TANC2: variants seen among roughly 807,000 people sequenced by gnomAD.
TANC2 encodes protein TANC2.
TANC2 carries 26 observed loss-of-function variants against 210.5 expected under a neutral mutation model. The ratio of observed to expected loss-of-function variants is 0.12; its 90% CI spans 0.09 to 0.17. The LOEUF (loss-of-function observed/expected upper bound fraction) is 0.17. Ranked by LOEUF, TANC2 falls within the 10% of genes least tolerant of loss-of-function variation. TANC2 has a pLI of 1.00. For missense variants in TANC2, 2,129 were observed against 2,608.9 expected (o/e 0.82, Z 4.01); for synonymous variants, 931 against 967.1 (o/e 0.96, Z 0.69).
At chr17:62,994,333 C>T (rs1202522105) in intron 1 of TANC2, among the ~76,000 whole-genome samples, 1 of 150,280 alleles carries the variant, frequency 6.7e-6, no homozygotes, top group Non-Finnish European at 1.5e-5. Flanking sequence ...AGGCATGCAC[C>T]ACCACACCTG....
At chr17:63,240,540 G>A (rs2042746520) in intron 8 of TANC2, among the ~76,000 whole-genome samples, 1 of 152,130 alleles carries the variant, frequency 6.6e-6, no homozygotes, top group African/African-American at 2.4e-5. Context: ...GTGTATCCCA[G>A]AACTGTTGTA....
chr17:63,358,386 T>A lies in TANC2; in HGVS notation c.2582+2996T>A, dbSNP rs1443660773. 5.6e-3 allele frequency among the ~76,000 whole-genome samples: 837 copies of A among 150,648 alleles called. 7 individuals carry two copies. The highest frequency in any genetic ancestry group is 0.018 in the African/African-American group (749 of 40,648). ...GAGAGAGAGAGAGAGAGTATGTGTG[T>A]GTGTGTGTGTGTGTGTGTGTGTGTG... On this transcript the variant is annotated intron_variant, in intron 14 of 27. Coordinates refer to ENST00000689528, the Ensembl canonical transcript of TANC2.
At chr17:63,058,306 C>T (rs1237958496) in intron 2 of TANC2, among the ~76,000 whole-genome samples, 4 of 151,562 alleles carry the variant, frequency 2.6e-5, no homozygotes, top group South Asian at 2.1e-4. Context: ...GTTTCTTATA[C>T]ATGCCGGATT....
At chr17:63,084,926 C>A (rs544300510) in intron 3 of TANC2, among the ~76,000 whole-genome samples, 1 of 152,142 alleles carries the variant, frequency 6.6e-6, no homozygotes, top group South Asian at 2.1e-4. Flanking sequence ...ATTCCATGTG[C>A]GCTTGAAAAG....
intron 4 of TANC2, among the ~76,000 whole-genome samples, chr17:63,134,962 C>T (rs1388451256): frequency 6.6e-6 from 1 of 152,122 alleles, no homozygotes; most frequent in East Asian, 1.9e-4. Context: ...CTGTGGCGCA[C>T]ACCTAGCAGT....
At chr17:63,214,639 A>G (rs1299734575) in intron 7 of TANC2, among the ~76,000 whole-genome samples, 1 of 152,220 alleles carries the variant, frequency 6.6e-6, no homozygotes, top group Non-Finnish European at 1.5e-5. Flanking sequence ...AGAGGCAGAC[A>G]TGCTTCCTCA....
chr17:63,420,136 C>A lies in TANC2; in HGVS notation c.4406C>A (p.Pro1469Gln). The A allele has an allele frequency of 2.6e-6, 4 of 1,556,206 alleles. No individual in the cohort carries two copies. Among genetic ancestry groups the A allele is most frequent in the African/African-American group, 1.4e-5 (1 of 73,312 alleles). Residue 1469 changes from proline (P) to glutamine (Q), a missense_variant, in exon 28 of 28, where the codon CCG becomes CAG. Physicochemically the swap from Pro to Gln is moderately conservative, Grantham distance 76 (BLOSUM62 -1). Coordinates refer to ENST00000689528, the Ensembl canonical transcript of TANC2. This position sits in a 1 kb window ranked among gnomAD's most constrained non-coding sequence, Gnocchi z 4.2. ...CAGCCACAGCAGCCACCGCCGCCAC[C>A]GCAGCCTCAGCAGCAGTTGCCGGAA...
intron 3 of TANC2, among the ~76,000 whole-genome samples, chr17:63,094,292 A>G (rs980205556): frequency 1.3e-5 from 2 of 152,150 alleles, no homozygotes; most frequent in African/African-American, 2.4e-5. Context: ...ACAGAGTCAC[A>G]GAGTGATGAT....
intron 1 of TANC2, among the ~76,000 whole-genome samples, chr17:62,996,301 G>T (rs2033104327): frequency 6.6e-6 from 1 of 152,112 alleles, no homozygotes; most frequent in Non-Finnish European, 1.5e-5. Context: ...CAGCTTAATA[G>T]GCAGACAAGA....
At chr17:63,225,638 C>G (rs948601327) in intron 7 of TANC2, among the ~76,000 whole-genome samples, 1 of 152,132 alleles carries the variant, frequency 6.6e-6, no homozygotes, top group African/African-American at 2.4e-5. Flanking sequence ...AGCCATTTGC[C>G]CCAGCCAGAA....
At position 63,247,356 on chromosome 17, in the gene TANC2, C is replaced by G. The variant is rs566884521; in HGVS notation, c.1033+9279C>G. Among the ~76,000 whole-genome samples the G allele has an allele frequency of 1.2e-4, 18 of 152,062 alleles. No individual in the cohort carries two copies. In the South Asian group the frequency reaches 3.7e-3, roughly 32 times the overall value. On this transcript the variant is annotated intron_variant, in intron 8 of 27. Coordinates refer to ENST00000689528, the Ensembl canonical transcript of TANC2. ...CTTTATCTTTTTAATAGAAAACATA[C>G]TGTTTATATCATGTATTATAAAACT...
chr17:63,011,319 A>G (rs2033865865), intron 2 of TANC2, among the ~76,000 whole-genome samples: 1 of 151,818 alleles, frequency 6.6e-6, no homozygotes, highest in South Asian at 2.1e-4. Context: ...ATTCTGTATT[A>G]TTTTATTCTT....
At chr17:63,098,481 TA>T (rs1567721109) in intron 3 of TANC2, among the ~76,000 whole-genome samples, 9,882 of 49,964 alleles carry the variant, frequency 0.2, 812 homozygotes, top group African/African-American at 0.23. Context: ...CACACACACA[TA>T]CACTCTCTCT....
At chr17:63,213,095 A>G (rs1419525320) in intron 7 of TANC2, among the ~76,000 whole-genome samples, 1 of 152,220 alleles carries the variant, frequency 6.6e-6, no homozygotes, top group Non-Finnish European at 1.5e-5. Flanking sequence ...AAGTCTATGA[A>G]ATATTGAAAA....
At chr17:63,255,391 C>T (rs183807279) in intron 8 of TANC2, among the ~76,000 whole-genome samples, 160 of 152,202 alleles carry the variant, frequency 1.1e-3, no homozygotes, top group African/African-American at 3.6e-3. Context: ...CGCGCCCGGC[C>T]GGCAGTAGTT....
At chr17:63,065,348 AAC>A (rs781508962) in intron 2 of TANC2, among the ~76,000 whole-genome samples, 15 of 152,204 alleles carry the variant, frequency 9.9e-5, no homozygotes, top group Non-Finnish European at 1.6e-4. Context: ...GGCTATTGTG[AAC>A]AGTGTTGTAA....
At chr17:63,072,472 A>G (rs1267647292) in intron 2 of TANC2, among the ~76,000 whole-genome samples, 2 of 152,062 alleles carry the variant, frequency 1.3e-5, no homozygotes, top group Non-Finnish European at 2.9e-5. Flanking sequence ...ATAACACCTT[A>G]TTTTGTCAAC....
intron 27 of TANC2, 112 bp from the exon 28 acceptor site, chr17:63,419,887 C>A: frequency 7.9e-7 from 1 of 1,271,758 alleles, no homozygotes; most frequent in Non-Finnish European, 1.1e-6. Context: ...ATACCCCAGA[C>A]TCCCACAGAC....
rs548236348 is a variant in TANC2 at position 63,393,928 on chromosome 17, AC to A, written c.3052-1812del. ...TGGGATTACAGGCACCCACCACCAC[AC>A]CCAGCTAATTTTTGTATTTTTTAAT... On this transcript the variant is annotated intron_variant, in intron 17 of 27. Coordinates refer to ENST00000689528, the Ensembl canonical transcript of TANC2. Among the ~76,000 whole-genome samples the A allele has an allele frequency of 2.1e-3, 315 of 151,632 alleles. 2 individuals carry two copies. The highest frequency in any genetic ancestry group is 7.1e-3 in the African/African-American group (294 of 41,302).
Sources: gnomAD v4.1 joint callset for allele counts (sites outside exome capture counted in the v4.1 genomes callset) on GRCh38, gnomAD v4.1.1 for gene constraint, Gnocchi (gnomAD v3.1) non-coding constraint, MANE v1.5 for transcripts, NCBI Gene and HGNC (gene_info 2026-07-23, HGNC 2026-07-21) for gene names.